The following CENPU variants were observed in gnomAD, a reference collection of about 807,000 sequenced individuals.
CENPU encodes KSHV latent nuclear antigen interacting protein 1.
A neutral mutation model predicts 56.7 loss-of-function variants in CENPU; 46 were observed. The observed-to-expected ratio is 0.81, with a 90% CI of 0.64 to 1.04. CENPU has a LOEUF of 1.04. CENPU is among the 50% of genes least tolerant of loss of function. The probability of loss-of-function intolerance (pLI) is 0.00; values close to 1 mark genes in which losing one functional copy is unlikely to be tolerated. For missense variants in CENPU, 510 were observed against 490.1 expected (o/e 1.04, Z -0.38); for synonymous variants, 166 against 163.0 (o/e 1.02, Z -0.14).
At chr4:184,696,584 A>G (rs936279516) in intron 12 of CENPU, among the ~76,000 whole-genome samples, 1 of 152,162 alleles carries the variant, frequency 6.6e-6, no homozygotes, top group African/African-American at 2.4e-5. Context: ...TCTAATATAT[A>G]CACAAACCTT....
At chr4:184,715,989 A>T (rs898965253) in intron 6 of CENPU, among the ~76,000 whole-genome samples, 3 of 150,818 alleles carry the variant, frequency 2.0e-5, no homozygotes, top group Non-Finnish European at 4.4e-5. Flanking sequence ...CTGGAGTGCA[A>T]TGGCGCAATC....
intron 1 of CENPU, among the ~76,000 whole-genome samples, chr4:184,732,506 GA>G (rs1761683795): frequency 6.6e-6 from 1 of 152,144 alleles, no homozygotes; most frequent in Non-Finnish European, 1.5e-5. Flanking sequence ...CCGGGATTCA[GA>G]AAATTTAAGT....
chr4:184,694,310 A>G lies in CENPU; in HGVS notation c.*978T>C. On this transcript the variant is annotated 3_prime_UTR_variant, in exon 13 of 13. Transcript: ENST00000281453. ...GAACTGTAGGTAATTTCAAATTTGG[A>G]GTTTCAAGTGTGTCTGAGCTTCAGT... 8.3e-6 allele frequency: 11 copies of G among 1,327,114 alleles called. No homozygotes were observed. Among genetic ancestry groups the G allele is most frequent in the Non-Finnish European group, 1.1e-5 (11 of 1,037,092 alleles). 82.2% of individuals were successfully genotyped at this position (1,327,114 alleles called of 1,614,324 possible).
chr4:184,710,234 C>A (rs1377015927), intron 7 of CENPU, 54 bp from the exon 8 acceptor site: 5 of 1,219,332 alleles, frequency 4.1e-6, no homozygotes, highest in South Asian at 1.3e-5. Flanking sequence ...GGCTGTAGGT[C>A]CAGGGTTCTG....
chr4:184,720,413 CGA>C (rs1761237200), intron 4 of CENPU, among the ~76,000 whole-genome samples: 2 of 152,082 alleles, frequency 1.3e-5, no homozygotes, highest in Non-Finnish European at 2.9e-5. Context: ...AAGGGCAAAT[CGA>C]AGAGTTATTG....
chr4:184,717,096 T>TA (rs752276801), intron 5 of CENPU, 40 bp downstream of exon 5: 30 of 1,332,980 alleles, frequency 2.3e-5, no homozygotes, highest in Non-Finnish European at 3.1e-5. Flanking sequence ...AATCAAACTA[T>TA]ATTACAAATT....
Position 184,710,018 on chromosome 4 carries a change from G to A in CENPU, c.797+54C>T, listed in dbSNP as rs1760868769. The stretch of plus-strand genomic sequence containing the variant: ...CAAAAACTGTAGGATGAGCAAAAAT[G>A]GTGCTTCAGGGGAAATTTATTAGGT... On this transcript the variant is annotated intron_variant, in intron 8 of 12. Coordinates refer to ENST00000281453, the MANE Select transcript of CENPU (RefSeq NM_024629.4). 9.9e-6 allele frequency: 9 copies of A among 908,562 alleles called. No individual in the cohort carries two copies. The South Asian group carries it at 1.5e-4, about 15-fold the overall frequency. The allele number at this position is 908,562 out of a possible 1,614,324, so 56.3% of individuals were successfully genotyped here.
chr4:184,699,711 A>G, intron 11 of CENPU: 2 of 931,700 alleles, frequency 2.1e-6, no homozygotes, highest in Non-Finnish European at 1.5e-6. Context: ...CCCAGGCTGG[A>G]GTGCACTGGC....
At chr4:184,701,725 C>T (rs1181128334) in intron 10 of CENPU, among the ~76,000 whole-genome samples, 1 of 152,208 alleles carries the variant, frequency 6.6e-6, no homozygotes, top group Non-Finnish European at 1.5e-5. Context: ...TGCTTTTCGA[C>T]ATCCACAAAA....
chr4:184,694,885 C>T lies in CENPU; in HGVS notation c.*403G>A. 2 of 1,005,402 alleles carry T rather than the reference C, an allele frequency of 2.0e-6. No homozygotes were observed. Among genetic ancestry groups the T allele is most frequent in the Admixed American group, 2.9e-5 (1 of 34,750 alleles). 62.3% of individuals were successfully genotyped at this position (1,005,402 alleles called of 1,614,324 possible). A position where few individuals can be genotyped will look rare whatever the true frequency, so the allele number is the denominator to read the frequency against. On this transcript the variant is annotated 3_prime_UTR_variant, in exon 13 of 13. Transcript: ENST00000281453. ...TGTTTATATAAACTAAGTTTTATTA[C>T]TTTGCTTTCCAATTTTTGTTTTTTA... is the stretch of plus-strand genomic sequence containing the variant.
chr4:184,728,388 T>C (rs1321347953), intron 3 of CENPU, among the ~76,000 whole-genome samples: 1 of 152,184 alleles, frequency 6.6e-6, no homozygotes, highest in Non-Finnish European at 1.5e-5. Context: ...ACATGGCATT[T>C]TCTCTGTCAT....
rs771298344 is a variant in CENPU at position 184,694,645 on chromosome 4, AT to A, written c.*642del. 5.0e-6 allele frequency: 8 copies of A among 1,614,066 alleles called. No homozygotes were observed. The Admixed American group carries it at 1.3e-4, about 27-fold the overall frequency. ...TGCTGATGCTGTCTGGGATAATGGC[AT>A]TGATGATGCTTATTTTTTAGAAGCT... On this transcript the variant is annotated 3_prime_UTR_variant, in exon 13 of 13. Coordinates refer to ENST00000281453, the MANE Select transcript of CENPU (RefSeq NM_024629.4).
At chr4:184,709,994 A>G in intron 8 of CENPU, 78 bp downstream of exon 8, 1 of 613,970 alleles carries the variant, frequency 1.6e-6, no homozygotes, top group Non-Finnish European at 2.8e-6. Context: ...AGTACATAAC[A>G]AAAACTGTAG....
intron 11 of CENPU, among the ~76,000 whole-genome samples, chr4:184,699,234 G>C (rs1288844734): frequency 6.6e-6 from 1 of 152,124 alleles, no homozygotes; most frequent in Non-Finnish European, 1.5e-5. Context: ...GGAGGATGAG[G>C]CAGGAGAATA....
At chr4:184,720,998 T>G (rs868388047) in intron 4 of CENPU, among the ~76,000 whole-genome samples, 1 of 152,158 alleles carries the variant, frequency 6.6e-6, no homozygotes, top group African/African-American at 2.4e-5. Context: ...AGCTGATGCA[T>G]GTAAACTACT....
rs576478035 is a variant in CENPU at position 184,715,679 on chromosome 4, G to T, written c.618+718C>A. ...GATCTAAGGAATGCACAAATATTTA[G>T]CTACAACAAAATTCATCAAAGCACT... On this transcript the variant is annotated intron_variant, in intron 6 of 12. Transcript: ENST00000281453. 2.0e-5 allele frequency among the ~76,000 whole-genome samples: 3 copies of T among 152,222 alleles called. No individual in the cohort carries two copies. The South Asian group carries it at 6.2e-4, about 32-fold the overall frequency.
intron 1 of CENPU, chr4:184,733,175 C>CT (rs764005980): frequency 6.6e-5 from 14 of 211,676 alleles, no homozygotes; most frequent in Non-Finnish European, 1.1e-4. Flanking sequence ...TCTTCTAATC[C>CT]TTTTTTGCAC....
At chr4:184,722,588 G>C (rs1401361) in intron 4 of CENPU, among the ~76,000 whole-genome samples, 27,041 of 151,430 alleles carry the variant, frequency 0.18, 2,714 homozygotes, top group African/African-American at 0.26. Flanking sequence ...AATGCTAAAA[G>C]TGATAAATAT....
intron 3 of CENPU, among the ~76,000 whole-genome samples, chr4:184,726,918 A>G (rs1437813147): frequency 7.3e-6 from 1 of 136,576 alleles, no homozygotes. Context: ...GCAAAGCCCC[A>G]TCGCTACTGA....
Sources: gnomAD v4.1 joint callset for allele counts (sites outside exome capture counted in the v4.1 genomes callset) on GRCh38, gnomAD v4.1.1 for gene constraint, MANE v1.5 for transcripts, NCBI Gene and HGNC (gene_info 2026-07-23, HGNC 2026-07-21) for gene names.